NT5C2: variants seen among roughly 807,000 people sequenced by gnomAD.
NT5C2 encodes the protein 5'-nucleotidase, cytosolic II.
In NT5C2, 58 loss-of-function variants were observed where a neutral mutation model predicts 76.1. The ratio of observed to expected loss-of-function variants is 0.76; its 90% CI spans 0.62 to 0.95. The LOEUF is 0.95. Among genes scored for constraint, NT5C2 ranks in the 40% least tolerant of loss-of-function variants. The probability of loss-of-function intolerance (pLI) is 0.00; values close to 1 mark genes in which losing one functional copy is unlikely to be tolerated. For missense variants in NT5C2, 478 were observed against 690.3 expected, an observed-to-expected ratio of 0.69 and a Z score of 3.45; for synonymous variants, 229 against 237.4, an observed-to-expected ratio of 0.96 and a Z score of 0.32.
At chr10:103,177,074 CTTTAAAAGATAAATAAAT>C (rs1467234640) in intron 2 of NT5C2, among the ~76,000 whole-genome samples, 1 of 151,992 alleles carries the variant, frequency 6.6e-6, no homozygotes. Context: ...AATGTCATCC[CTTTAAAAGATAAATAAAT>C]ACATTTTGAT....
chr10:103,127,447 T>C (rs1398060450), intron 4 of NT5C2, among the ~76,000 whole-genome samples: 5 of 152,170 alleles, frequency 3.3e-5, no homozygotes, highest in Non-Finnish European at 5.9e-5. Flanking sequence ...TGAAAAATAT[T>C]TGTGGCATTA....
intron 4 of NT5C2, among the ~76,000 whole-genome samples, chr10:103,133,939 CT>C (rs1283176539): frequency 6.6e-6 from 1 of 152,134 alleles, no homozygotes; most frequent in Non-Finnish European, 1.5e-5. Flanking sequence ...CATTTTGCCC[CT>C]ACCCTAGAGA....
intron 3 of NT5C2, chr10:103,146,194 C>T: frequency 1.0e-6 from 1 of 985,362 alleles, no homozygotes; most frequent in Non-Finnish European, 1.2e-6. Context: ...CATGTATCTT[C>T]CGAGACAGTG....
chr10:103,101,273 T>A lies in NT5C2; in HGVS notation c.443A>T (p.Glu148Val), dbSNP rs765462890. ...PNKFIQRDDTERFYILNTLFN... is the reference protein window; with the variant it reads ...PNKFIQRDDTVRFYILNTLFN... ...TAGTGTGTTCAGAATGTAAAATCTT[T>A]CAGTATCATCTCGCTGGATAAATTT... Residue 148 changes from glutamate (E) to valine (V), a missense_variant, in exon 7 of 19, where the codon GAA (glutamate) becomes GTA (valine). Glu to Val is a moderately radical substitution (Grantham distance 121, BLOSUM62 -2). Transcript: ENST00000404739. The A allele has an allele frequency of 3.7e-6, 6 of 1,609,260 alleles. No homozygotes were observed. In the South Asian group the frequency reaches 6.6e-5, roughly 18 times the overall value.
chr10:103,111,145 C>T (rs1255856870), intron 4 of NT5C2, among the ~76,000 whole-genome samples: 3 of 152,186 alleles, frequency 2.0e-5, no homozygotes, highest in Admixed American at 6.5e-5. Flanking sequence ...TGCACAGCTT[C>T]AAGCTCAACT....
At chr10:103,160,062 A>G (rs2084440742) in intron 3 of NT5C2, among the ~76,000 whole-genome samples, 1 of 152,226 alleles carries the variant, frequency 6.6e-6, no homozygotes, top group African/African-American at 2.4e-5. Flanking sequence ...TCAAACAAAT[A>G]TAATTCAGAG....
chr10:103,102,421 A>C (rs1388944430), intron 6 of NT5C2, among the ~76,000 whole-genome samples: 1 of 152,176 alleles, frequency 6.6e-6, no homozygotes, highest in Non-Finnish European at 1.5e-5. Flanking sequence ...GCCATTGTAG[A>C]TCAGATGCCA....
chr10:103,101,084 C>A lies in NT5C2; in HGVS notation c.500G>T (p.Cys167Phe). 6.3e-7 allele frequency: 1 copy of A among 1,589,766 alleles called. No homozygotes were observed. Among genetic ancestry groups the A allele is most frequent in the African/African-American group, 1.3e-5 (1 of 74,536 alleles). The change falls in exon 8 of 19, where the codon TGC becomes TTC. Residue 167 changes from cysteine (C) to phenylalanine (F), a missense_variant. Physicochemically the swap from Cys to Phe is radical, Grantham distance 205. Coordinates refer to ENST00000404739, the MANE Select transcript of NT5C2 (RefSeq NM_001351169.2). Reference sequence around the variant, plus strand: ...ACAATTAGTAAAAAAATCTACTAGGCAGGCCAACAGGTAGGTCTCTGAAAA... The same window carrying A: ...ACAATTAGTAAAAAAATCTACTAGGAAGGCCAACAGGTAGGTCTCTGAAAA... ...FNLPETYLLA[C>F]LVDFFTNCPR... is the part of the protein sequence containing the mutation.
At chr10:103,090,528 T>C (rs1481110346) in intron 18 of NT5C2, 83 bp downstream of exon 18, 1 of 1,248,156 alleles carries the variant, frequency 8.0e-7, no homozygotes, top group Non-Finnish European at 1.1e-6. Context: ...ATGTTCAAAC[T>C]ATCTCCTGTG....
intron 3 of NT5C2, among the ~76,000 whole-genome samples, chr10:103,167,529 T>A (rs773074911): frequency 2.0e-5 from 3 of 152,106 alleles, no homozygotes; most frequent in African/African-American, 4.8e-5. Context: ...CATAAGTGAT[T>A]AAAAGAGAAA....
chr10:103,092,360 G>GTCTA (rs146977108), intron 15 of NT5C2, among the ~76,000 whole-genome samples: 6 of 152,280 alleles, frequency 3.9e-5, no homozygotes, highest in African/African-American at 1.2e-4. Flanking sequence ...AGGCTGTCAT[G>GTCTA]TCTATCTTTA....
At chr10:103,126,618 TCTAAAAAA>T (rs911262160) in intron 4 of NT5C2, among the ~76,000 whole-genome samples, 1 of 152,106 alleles carries the variant, frequency 6.6e-6, no homozygotes, top group Non-Finnish European at 1.5e-5. Flanking sequence ...CGAGACTCCG[TCTAAAAAA>T]CTAAAAAACA....
chr10:103,113,938 T>C (rs2073688555), intron 4 of NT5C2, among the ~76,000 whole-genome samples: 1 of 152,238 alleles, frequency 6.6e-6, no homozygotes, highest in African/African-American at 2.4e-5. Context: ...CAAACATCTA[T>C]GTCAAGACTA....
At chr10:103,124,878 AT>A (rs1027108320) in intron 4 of NT5C2, 1 of 148,180 alleles carries the variant, frequency 6.7e-6, no homozygotes, top group Non-Finnish European at 1.5e-5. Flanking sequence ...TAATTTAATA[AT>A]TAAATTTAAT....
chr10:103,123,849 G>GA (rs1434022871), intron 4 of NT5C2, among the ~76,000 whole-genome samples: 1 of 151,616 alleles, frequency 6.6e-6, no homozygotes, highest in Non-Finnish European at 1.5e-5. Context: ...TTCGAAATTG[G>GA]GGGGGGAAAA....
chr10:103,127,803 G>T (rs1218805273), intron 4 of NT5C2, among the ~76,000 whole-genome samples: 1 of 151,956 alleles, frequency 6.6e-6, no homozygotes, highest in South Asian at 2.1e-4. Context: ...TGATCCGCCC[G>T]CCTCGGCCTC....
Position 103,088,688 on chromosome 10 carries a change from T to C in NT5C2, c.*984A>G, listed in dbSNP as rs1003387695. 2.4e-4 allele frequency: 43 copies of C among 175,882 alleles called. 1 individual carries two copies. Among genetic ancestry groups the C allele is most frequent in the Admixed American group, 6.3e-5 (1 of 15,796 alleles). 10.9% of individuals were successfully genotyped at this position (175,882 alleles called of 1,614,324 possible). On this transcript the variant is annotated 3_prime_UTR_variant, in exon 19 of 19. Transcript: ENST00000404739. The stretch of plus-strand genomic sequence containing the variant: ...AGGCGTGAGCCGCCGTGCCTGGCCT[T>C]GACTTGAGATTCTGAAGTGAATTTA...
chr10:103,123,708 T>C (rs888049887), intron 4 of NT5C2, among the ~76,000 whole-genome samples: 2 of 152,130 alleles, frequency 1.3e-5, no homozygotes, highest in African/African-American at 4.8e-5. Flanking sequence ...ATAACAGAAA[T>C]AAGGAGCTTA....
intron 4 of NT5C2, chr10:103,111,830 A>T: frequency 4.9e-6 from 6 of 1,224,502 alleles, no homozygotes; most frequent in Non-Finnish European, 6.1e-6. Flanking sequence ...AAAGCAACAA[A>T]ACAAAACAAA....
Sources: gnomAD v4.1 joint callset for allele counts (sites outside exome capture counted in the v4.1 genomes callset) on GRCh38, gnomAD v4.1.1 for gene constraint, MANE v1.5 for transcripts, NCBI Gene and HGNC (gene_info 2026-07-23, HGNC 2026-07-21) for gene names.